TTN: variants seen among roughly 807,000 people sequenced by gnomAD.
TTN encodes the protein titin, also known as connectin.
TTN carries 1,525 observed loss-of-function variants against 3,223.0 expected under a neutral mutation model. The observed-to-expected ratio is 0.47, with a 90% confidence interval of 0.45 to 0.49. The LOEUF (loss-of-function observed/expected upper bound fraction) is 0.49, where lower values mean the gene tolerates loss of function less well. Ranked by LOEUF, TTN falls within the 20% of genes least tolerant of loss-of-function variation. The pLI, the probability that TTN is intolerant of heterozygous loss-of-function variation, is 0.00. For synonymous variants in TTN, 14,094 were observed against 15,161.0 expected, an observed-to-expected ratio of 0.93 and a Z score of 5.17; for missense variants, 40,786 against 43,424.0, an observed-to-expected ratio of 0.94 and a Z score of 5.40.
intron 138 of TTN, 97 bp from the exon 139 acceptor site, chr2:178,680,428 T>A (rs1321921740): frequency 9.2e-6 from 9 of 978,086 alleles, no homozygotes; most frequent in African/African-American, 1.7e-5. Flanking sequence ...ATAATGTATC[T>A]TCCTTTAATG....
rs1362144257 is a variant in TTN, at chr2:178,664,484, T to G, written c.36256A>C (p.Arg12086=). 1.9e-6 allele frequency: 3 copies of G among 1,612,228 alleles called. No individual in the cohort carries two copies. The highest frequency in any genetic ancestry group is 2.5e-6 in the Non-Finnish European group (3 of 1,179,408). The change falls in exon 168 of 363, where the codon AGG becomes CGG. Residue 12086 remains arginine (R), a synonymous_variant. Coordinates refer to ENST00000589042, the MANE Select transcript of TTN (RefSeq NM_001267550.2). ...VPEKKVHPPQ[R]AEVVPVKVHE... ...CCTTTGACAGGTACAACTTCAGCCC[T>G]TTGGGGAGGATGCACTTTCTTTTCC...
Position 178,714,334 on chromosome 2 carries a change from C to A in TTN, c.26440G>T (p.Asp8814Tyr), listed in dbSNP as rs1035364658. 1 of 1,613,480 alleles carries A rather than the reference C, an allele frequency of 6.2e-7. No homozygotes were observed. Among genetic ancestry groups the A allele is most frequent in the East Asian group, 2.2e-5 (1 of 44,876 alleles). Residue 8814 changes from aspartate (D) to tyrosine (Y), a missense_variant, in exon 91 of 363, where the codon GAT (aspartate) becomes TAT (tyrosine). Physicochemically the swap from Asp to Tyr is radical, Grantham distance 160 (BLOSUM62 -3). Coordinates refer to ENST00000589042, the MANE Select transcript of TTN (RefSeq NM_001267550.2). Reference protein sequence around the residue: ...AGKYTCQIKNDAGMQECFATL... With the variant: ...AGKYTCQIKNYAGMQECFATL... ...GCGAAGCACTCTTGCATCCCAGCAT[C>A]GTTTTTGATCTGACAAGTGTATTTT...
rs71423567 is a variant in TTN, at chr2:178,528,628, G to C, written c.107123C>G (p.Pro35708Arg). 1 of 1,612,634 alleles carries C rather than the reference G, an allele frequency of 6.2e-7. No homozygotes were observed. Among genetic ancestry groups the C allele is most frequent in the East Asian group, 2.2e-5 (1 of 44,866 alleles). ...LSDAPAFISQ[P>R]RSQNINEGQN... ...TCCTTCATTAATATTTTGAGATCTA[G>C]GCTGTGAGATGAAGGCTGGAGCATC... Residue 35708 changes from proline to arginine, a missense_variant, in exon 360 of 363, where the codon CCT becomes CGT. By Grantham distance (103) the Pro-to-Arg change is moderately radical. Transcript: ENST00000589042.
intron 34 of TTN, 127 bp from the exon 35 acceptor site, chr2:178,770,802 G>A: frequency 8.2e-7 from 1 of 1,212,984 alleles, no homozygotes; most frequent in Non-Finnish European, 1.2e-6. Context: ...CAGTTATGCA[G>A]CACCTCTGTT....
chr2:178,540,518 T>C (rs1575370520), intron 350 of TTN, 148 bp from the exon 351 acceptor site: 2 of 734,560 alleles, frequency 2.7e-6, no homozygotes, highest in Non-Finnish European at 4.3e-6. Context: ...CATGGCTGGG[T>C]GTGGTGGCTC....
rs727503549 is a variant in TTN, at chr2:178,547,581, G to A, written c.94045C>T (p.Arg31349Cys). 5.3e-5 allele frequency: 86 copies of A among 1,613,670 alleles called. No homozygotes were observed. Among genetic ancestry groups the A allele is most frequent in the South Asian group, 3.7e-4 (34 of 91,080 alleles). ...TEITNYIVEK[R>C]ESGTTAWQLV... ...TGCCAAGCTGTTGTACCCGATTCACGCTTTTCAACTATGTAATTAGTAATT... is the reference window on the plus strand; with the variant it reads ...TGCCAAGCTGTTGTACCCGATTCACACTTTTCAACTATGTAATTAGTAATT... The change falls in exon 339 of 363, where the codon CGT becomes TGT. Residue 31349 changes from arginine (R) to cysteine (C), a missense_variant. Arg to Cys is a radical substitution (Grantham distance 180). Transcript: ENST00000589042.
rs771714891 is a variant in TTN at position 178,731,881 on chromosome 2, G to A, written c.16994C>T (p.Pro5665Leu). ...ATCTTTGAACCAAGTGATCTCAAAG[G>A]GAGGAGTGCCTGCCACCTCAGCCAG... ...MLLAEVAGTP[P>L]FEITWFKDNT... Residue 5665 changes from proline to leucine, a missense_variant, in exon 58 of 363, where the codon CCC becomes CTC. Physicochemically the swap from Pro to Leu is moderately conservative, Grantham distance 98 (BLOSUM62 -3). Coordinates refer to ENST00000589042, the MANE Select transcript of TTN (RefSeq NM_001267550.2). 2 of 1,613,724 alleles carry A rather than the reference G, an allele frequency of 1.2e-6. No homozygotes were observed. Among genetic ancestry groups the A allele is most frequent in the South Asian group, 2.2e-5 (2 of 91,078 alleles).
chr2:178,600,999 A>T lies in TTN; in HGVS notation c.55905T>A (p.Asn18635Lys). The change falls in exon 288 of 363, where the codon AAT becomes AAA. Residue 18635 changes from asparagine to lysine, a missense_variant. Physicochemically the swap from Asn to Lys is moderately conservative, Grantham distance 94 (BLOSUM62 0). Transcript: ENST00000589042. Reference protein sequence around the residue: ...GTKKEAWRQCNKRDVEELQFT... With the variant: ...GTKKEAWRQCKKRDVEELQFT... ...ATTGCAGTTCTTCCACATCACGCTT[A>T]TTGCACTGCCTCCAGGCTTCTTTCT... The T allele has an allele frequency of 6.2e-7, 1 of 1,613,036 alleles. No individual in the cohort carries two copies. The highest frequency in any genetic ancestry group is 1.7e-5 in the Admixed American group (1 of 59,956).
At position 178,781,226 on chromosome 2, in the gene TTN, T is replaced by G. The variant is rs1561345560; in HGVS notation, c.3418A>C (p.Lys1140Gln). 1 of 1,614,074 alleles carries G rather than the reference T, an allele frequency of 6.2e-7. No individual in the cohort carries two copies. Among genetic ancestry groups the G allele is most frequent in the Non-Finnish European group, 8.5e-7 (1 of 1,179,968 alleles). Residue 1140 changes from lysine (K) to glutamine (Q), a missense_variant, in exon 21 of 363, where the codon AAG (lysine) becomes CAG (glutamine). Transcript: ENST00000589042. The stretch of plus-strand genomic sequence containing the variant: ...GCAAAAGTCATAGAAATCACCAGCT[T>G]GCATTCACCGGTTTGTTTGTTGTAA... ...VSYNKQTGECKLVISMTFADD... is the reference protein window; with the variant it reads ...VSYNKQTGECQLVISMTFADD...
rs574923385 is a variant in TTN at position 178,537,418 on chromosome 2, A to T, written c.99789T>A (p.Thr33263=). ...GCTGGACTTTGTATTTCCCAGCATGAGTCTTACGTTGGACATTCTTCATGA... is the reference window on the plus strand; with the variant it reads ...GCTGGACTTTGTATTTCCCAGCATGTGTCTTACGTTGGACATTCTTCATGA... ...HLVMKNVQRK[T]HAGKYKVQLS... Residue 33263 remains threonine, a synonymous_variant, in exon 355 of 363, where the codon ACT becomes ACA. Transcript: ENST00000589042. 1 of 1,610,854 alleles carries T rather than the reference A, an allele frequency of 6.2e-7. No homozygotes were observed. The highest frequency in any genetic ancestry group is 1.7e-5 in the Admixed American group (1 of 59,864).
rs1285243504 is a variant in TTN at position 178,564,019 on chromosome 2, C to T, written c.82113G>A (p.Gly27371=). 6.2e-7 allele frequency: 1 copy of T among 1,613,592 alleles called. No homozygotes were observed. Among genetic ancestry groups the T allele is most frequent in the Non-Finnish European group, 8.5e-7 (1 of 1,179,752 alleles). ...TAACTTTCAGAGGCCCTTCAGGAGG[C>T]CCTGGCCTGTCAAGTACCTTTACAG... ...PITVKVLDRP[G]PPEGPLKVTG... Residue 27371 remains glycine, a synonymous_variant, in exon 326 of 363, where the codon GGG becomes GGA. Transcript: ENST00000589042.
In TTN at chr2:178,577,610, T is replaced by A; in HGVS notation, c.68816A>T (p.Asp22939Val). 1.2e-6 allele frequency: 2 copies of A among 1,605,886 alleles called. No homozygotes were observed. The highest frequency in any genetic ancestry group is 1.7e-6 in the Non-Finnish European group (2 of 1,176,124). ...AAGTAAAATGGACCTACCGTATTCA[T>A]CCTTGCAAATAATGGTTTCTGTACT... ...SESTETIICK[D>V]EYEAPTIVLD... Residue 22939 changes from aspartate to valine, a missense_variant, in exon 323 of 363, where the codon GAT becomes GTT. Physicochemically the swap from Asp to Val is radical, Grantham distance 152. Transcript: ENST00000589042.
chr2:178,541,071 A>G (rs555530251), intron 350 of TTN: 145 of 398,932 alleles, frequency 3.6e-4, no homozygotes, highest in African/African-American at 2.1e-3. Context: ...TTTGCCAGAA[A>G]TCGCTAGCAG....
Position 178,572,320 on chromosome 2 carries a change from A to G in TTN, c.73812T>C (p.Pro24604=). The G allele has an allele frequency of 1.9e-6, 3 of 1,611,458 alleles. No homozygotes were observed. The highest frequency in any genetic ancestry group is 2.5e-6 in the Non-Finnish European group (3 of 1,177,882). ...CTTTCACAGATTCTGCGGTTTCAGC[A>G]GGCAGCCCAATGCCATATTCATTTT... ...LAENEYGIGL[P]AETAESVKAS... is the part of the protein sequence containing the mutation. Residue 24604 remains proline (P), a synonymous_variant, in exon 326 of 363, where the codon CCT becomes CCC. Coordinates refer to ENST00000589042, the MANE Select transcript of TTN (RefSeq NM_001267550.2).
Position 178,706,933 on chromosome 2 carries a change from GC to G in TTN, c.29062del (p.Ala9688GlnfsTer7), listed in dbSNP as rs869312040. 1 of 1,610,950 alleles carries G rather than the reference GC, an allele frequency of 6.2e-7. No homozygotes were observed. The highest frequency in any genetic ancestry group is 8.5e-7 in the Non-Finnish European group (1 of 1,178,610). ...TIKDKPAVAP[A>X]TKKAAVDGRL... ...TCCATCTACCGCAGCTTTCTTGGTT[GC>G]TGGGGCCACAGCTGGTTTGTCTGAA... On this transcript the variant is annotated frameshift_variant, in exon 101 of 363. Transcript: ENST00000589042. LOFTEE classifies it high-confidence loss of function.
At position 178,526,061 on chromosome 2, in the gene TTN, T is replaced by C. The variant is rs1223911639; in HGVS notation, c.*951A>G. On this transcript the variant is annotated 3_prime_UTR_variant, in exon 363 of 363. Coordinates refer to ENST00000589042, the MANE Select transcript of TTN (RefSeq NM_001267550.2). ...GAGGTCCAACAATTATAACTAACAA[T>C]TGAATTTATACTTGCATGAAAAGAA... 1 of 152,668 alleles carries C rather than the reference T, an allele frequency of 6.6e-6. No individual in the cohort carries two copies. The highest frequency in any genetic ancestry group is 1.5e-5 in the Non-Finnish European group (1 of 68,044). The allele number at this position is 152,668 out of a possible 1,614,324, so 9.5% of individuals were successfully genotyped here.
Position 178,725,397 on chromosome 2 carries a change from C to T in TTN, c.20807G>A (p.Arg6936Lys), listed in dbSNP as rs1206230320. 4 of 1,595,612 alleles carry T rather than the reference C, an allele frequency of 2.5e-6. No homozygotes were observed. In the South Asian group the frequency reaches 3.4e-5, roughly 14 times the overall value. ...GACCATCAGTGTGGCCATGTTCTCCCTCATTCCACCATCATTCTTGATTTG... is the reference window on the plus strand; with the variant it reads ...GACCATCAGTGTGGCCATGTTCTCCTTCATTCCACCATCATTCTTGATTTG... ...ICQIKNDGGM[R>K]ENMATLMVLE... Residue 6936 changes from arginine (R) to lysine (K), a missense_variant, in exon 71 of 363, where the codon AGG (arginine) becomes AAG (lysine). By Grantham distance (26) the Arg-to-Lys change is conservative. Coordinates refer to ENST00000589042, the MANE Select transcript of TTN (RefSeq NM_001267550.2).
At chr2:178,536,802 T>G (rs914067028) in intron 356 of TTN, 136 bp downstream of exon 356, 13 of 892,386 alleles carry the variant, frequency 1.5e-5, no homozygotes, top group Non-Finnish European at 1.6e-5. Flanking sequence ...AAACATTCAA[T>G]TAAAGTGAAA....
Position 178,552,328 on chromosome 2 carries a change from A to G in TTN, c.90572T>C (p.Ile30191Thr). The G allele has an allele frequency of 1.9e-6, 3 of 1,606,344 alleles. No homozygotes were observed. The highest frequency in any genetic ancestry group is 1.1e-5 in the South Asian group (1 of 89,038). ...SKTENKITLS[I>T]KNAKKEHGGK... ...TCCATGCTCCTTCTTGGCATTCTTAATACTCAAAGTAATTTTGTTTTCAGT... is the reference window on the plus strand; with the variant it reads ...TCCATGCTCCTTCTTGGCATTCTTAGTACTCAAAGTAATTTTGTTTTCAGT... The change falls in exon 335 of 363, where the codon ATT becomes ACT. Residue 30191 changes from isoleucine (I) to threonine (T), a missense_variant. Coordinates refer to ENST00000589042, the MANE Select transcript of TTN (RefSeq NM_001267550.2).
Sources: gnomAD v4.1 joint callset for allele counts on GRCh38, gnomAD v4.1.1 for gene constraint, MANE v1.5 for transcripts, NCBI Gene and HGNC (gene_info 2026-07-23, HGNC 2026-07-21) for gene names.